The following ARSB variants were observed in gnomAD, a reference collection of about 807,000 sequenced individuals.
The protein encoded by ARSB is N-acetylgalactosamine-4-sulfatase.
ARSB carries 41 observed loss-of-function variants against 50.9 expected under a neutral mutation model. That is an observed-to-expected ratio of 0.81 (90% CI 0.63 to 1.04). The LOEUF is 1.04. Ranked by LOEUF, ARSB falls within the 50% of genes least tolerant of loss-of-function variation. The probability of loss-of-function intolerance (pLI) is 0.00; values close to 1 mark genes in which losing one functional copy is unlikely to be tolerated. For synonymous variants in ARSB, 269 were observed against 284.8 expected (o/e 0.94, Z 0.56); for missense variants, 672 against 693.3 (o/e 0.97, Z 0.35).
At chr5:78,956,218 C>T (rs1184282224) in intron 3 of ARSB, among the ~76,000 whole-genome samples, 1 of 152,162 alleles carries the variant, frequency 6.6e-6, no homozygotes, top group Non-Finnish European at 1.5e-5. Context: ...CATACTACAA[C>T]ATAGATAAAC....
intron 6 of ARSB, among the ~76,000 whole-genome samples, chr5:78,794,616 G>A (rs1442663765): frequency 1.3e-5 from 2 of 152,144 alleles, no homozygotes; most frequent in Non-Finnish European, 2.9e-5. Flanking sequence ...TAGGAAGGAG[G>A]AGGAGGGAGA....
At chr5:78,896,384 G>T (rs957808187) in intron 4 of ARSB, among the ~76,000 whole-genome samples, 3 of 152,160 alleles carry the variant, frequency 2.0e-5, no homozygotes, top group Admixed American at 1.3e-4. Flanking sequence ...ATGAGATCAT[G>T]AATTAACTGA....
At chr5:78,937,211 T>G (rs186951837) in intron 4 of ARSB, among the ~76,000 whole-genome samples, 1 of 150,756 alleles carries the variant, frequency 6.6e-6, no homozygotes, top group South Asian at 2.1e-4. Flanking sequence ...TTGGAAAGTT[T>G]CTTGCAATTT....
At position 78,977,215 on chromosome 5, in the gene ARSB, G is replaced by A. The variant is rs189972832; in HGVS notation, c.312+7722C>T. On this transcript the variant is annotated intron_variant, in intron 1 of 7. Coordinates refer to ENST00000264914, the MANE Select transcript of ARSB (RefSeq NM_000046.5). Reference sequence around the variant, plus strand: ...GTTGCTCAGGCTGGAGTGCAGTGGCGCAATCTCGGCTCACTGCAATCTCCG... The same window carrying A: ...GTTGCTCAGGCTGGAGTGCAGTGGCACAATCTCGGCTCACTGCAATCTCCG... Among the ~76,000 whole-genome samples, 469 of 148,534 alleles carry A rather than the reference G, an allele frequency of 3.2e-3. 2 individuals are homozygous for A. Among genetic ancestry groups the A allele is most frequent in the Non-Finnish European group, 4.9e-3 (334 of 67,696 alleles).
chr5:78,927,058 C>T (rs1301763666), intron 4 of ARSB, among the ~76,000 whole-genome samples: 3 of 151,988 alleles, frequency 2.0e-5, no homozygotes, highest in African/African-American at 7.2e-5. Context: ...ATTTTTGTAT[C>T]TTTTTGTACA....
chr5:78,885,898 T>C (rs894138821), intron 4 of ARSB, 71 bp from the exon 5 acceptor site: 5 of 1,608,556 alleles, frequency 3.1e-6, no homozygotes, highest in Admixed American at 3.3e-5. Flanking sequence ...AGAGACTGTA[T>C]GTACATTGTT....
At chr5:78,980,010 A>G (rs6867149) in intron 1 of ARSB, among the ~76,000 whole-genome samples, 10,046 of 152,262 alleles carry the variant, frequency 0.066, 1,105 homozygotes, top group African/African-American at 0.23. Flanking sequence ...AAGGACATCT[A>G]TTGTATTCCA....
intron 1 of ARSB, among the ~76,000 whole-genome samples, chr5:78,976,758 G>A (rs1460384088): frequency 1.3e-5 from 2 of 152,170 alleles, no homozygotes; most frequent in Non-Finnish European, 2.9e-5. Flanking sequence ...GTTCTTTAGT[G>A]TATAATAGCC....
intron 4 of ARSB, among the ~76,000 whole-genome samples, chr5:78,916,350 G>A (rs1264213534): frequency 6.6e-6 from 1 of 152,188 alleles, no homozygotes; most frequent in East Asian, 1.9e-4. Flanking sequence ...AAGGAGACTG[G>A]GCCTGGGCAC....
At chr5:78,849,736 T>C (rs1745657619) in intron 5 of ARSB, among the ~76,000 whole-genome samples, 2 of 145,730 alleles carry the variant, frequency 1.4e-5, no homozygotes, top group African/African-American at 2.5e-5. Context: ...TTTTATTTCC[T>C]TGAGCAGTGG....
At chr5:78,902,715 T>C (rs1748863366) in intron 4 of ARSB, among the ~76,000 whole-genome samples, 1 of 152,186 alleles carries the variant, frequency 6.6e-6, no homozygotes, top group Admixed American at 6.5e-5. Context: ...TCTAGCTTAG[T>C]AAAATCCATA....
Position 78,780,057 on chromosome 5 carries a change from T to C in ARSB, c.*340A>G, listed in dbSNP as rs1234619423. On this transcript the variant is annotated 3_prime_UTR_variant, in exon 8 of 8. Transcript: ENST00000264914. The stretch of plus-strand genomic sequence containing the variant: ...GCTATTGGCAGAGGGGAATCGAACG[T>C]CTGACTTGTGAGTCTAAAAGAGCCA... 3.0e-6 allele frequency: 1 copy of C among 332,518 alleles called. No homozygotes were observed. Among genetic ancestry groups the C allele is most frequent in the African/African-American group, 2.1e-5 (1 of 47,238 alleles). 20.6% of individuals were successfully genotyped at this position (332,518 alleles called of 1,614,324 possible).
intron 3 of ARSB, among the ~76,000 whole-genome samples, chr5:78,960,406 T>C (rs891866835): frequency 6.6e-6 from 1 of 152,250 alleles, no homozygotes; most frequent in Non-Finnish European, 1.5e-5. Context: ...GAAATTGTTT[T>C]TCTTTGACTT....
intron 1 of ARSB, among the ~76,000 whole-genome samples, chr5:78,983,492 T>C (rs1026300686): frequency 6.6e-6 from 1 of 152,210 alleles, no homozygotes; most frequent in African/African-American, 2.4e-5. Context: ...GCAGAACCCT[T>C]TGGGCAAACC....
At chr5:78,802,127 C>T (rs78705746) in intron 6 of ARSB, among the ~76,000 whole-genome samples, 24,516 of 151,420 alleles carry the variant, frequency 0.16, 2,487 homozygotes, top group African/African-American at 0.28. Context: ...TAGCTCTTTC[C>T]TCTACCTGGA....
chr5:78,984,357 A>T (rs1210082802), intron 1 of ARSB, among the ~76,000 whole-genome samples: 1 of 152,224 alleles, frequency 6.6e-6, no homozygotes, highest in Non-Finnish European at 1.5e-5. Flanking sequence ...GAAGATGCTC[A>T]GAAGAGTTCA....
intron 5 of ARSB, among the ~76,000 whole-genome samples, chr5:78,848,111 A>G (rs1403148972): frequency 6.6e-6 from 1 of 151,034 alleles, no homozygotes; most frequent in Admixed American, 6.6e-5. Context: ...GTACATGTGC[A>G]CAATGTGCAG....
At chr5:78,939,699 G>T (rs1005082954) in intron 4 of ARSB, among the ~76,000 whole-genome samples, 7 of 152,138 alleles carry the variant, frequency 4.6e-5, no homozygotes. Flanking sequence ...CATTTGGGTT[G>T]GTTCCAAGTC....
chr5:78,860,826 G>C (rs2112097456), intron 5 of ARSB, among the ~76,000 whole-genome samples: 1 of 152,246 alleles, frequency 6.6e-6, no homozygotes, highest in Middle Eastern at 3.4e-3. Context: ...TCCAGGAGCT[G>C]GTTTTCTGAA....
Sources: allele counts gnomAD v4.1 joint callset (sites outside exome capture counted in the v4.1 genomes callset), GRCh38; gene constraint gnomAD v4.1.1; transcripts MANE v1.5; gene names NCBI Gene and HGNC (gene_info 2026-07-23, HGNC 2026-07-21).